The following GPA33 variants were observed in gnomAD, a reference collection of about 807,000 sequenced individuals.
GPA33 encodes cell surface A33 antigen.
Under a neutral mutation model 35.6 loss-of-function variants are expected in GPA33, and 27 were observed. The observed-to-expected ratio is 0.76, with a 90% confidence interval of 0.56 to 1.04. GPA33 has a LOEUF of 1.04. Ranked by LOEUF, GPA33 falls within the 50% of genes least tolerant of loss-of-function variation. GPA33 has a pLI of 0.00. For missense variants in GPA33, 428 were observed against 411.9 expected (o/e 1.04, Z -0.34); for synonymous variants, 176 against 164.0 (o/e 1.07, Z -0.56).
chr1:167,079,356 G>A (rs1666880618), intron 1 of GPA33, among the ~76,000 whole-genome samples: 2 of 151,960 alleles, frequency 1.3e-5, no homozygotes, highest in Non-Finnish European at 2.9e-5. Flanking sequence ...GCCAGGTGTG[G>A]CAGCATGCAC....
intron 3 of GPA33, among the ~76,000 whole-genome samples, chr1:167,068,349 C>T (rs1476817439): frequency 1.3e-5 from 2 of 152,186 alleles, no homozygotes; most frequent in African/African-American, 4.8e-5. Context: ...AGTAGATGAT[C>T]TTTCAGATCC....
chr1:167,066,881 C>T (rs1342983997), intron 3 of GPA33, among the ~76,000 whole-genome samples: 2 of 152,166 alleles, frequency 1.3e-5, no homozygotes, highest in African/African-American at 4.8e-5. Flanking sequence ...ACTGAGACCA[C>T]GCGTGCTGCC....
At chr1:167,069,215 T>C in intron 2 of GPA33, 77 bp from the exon 3 acceptor site, 1 of 944,392 alleles carries the variant, frequency 1.1e-6, no homozygotes, top group Non-Finnish European at 1.6e-6. Context: ...CTGACTACCC[T>C]CATCCCCCAG....
chr1:167,068,460 T>C (rs1666646391), intron 3 of GPA33, among the ~76,000 whole-genome samples: 1 of 152,128 alleles, frequency 6.6e-6, no homozygotes, highest in African/African-American at 2.4e-5. Flanking sequence ...GGAGTATCTG[T>C]TGAGGGATGG....
intron 1 of GPA33, among the ~76,000 whole-genome samples, chr1:167,084,363 AC>A (rs2102204055): frequency 6.6e-6 from 1 of 152,320 alleles, no homozygotes; most frequent in African/African-American, 2.4e-5. Context: ...AAATCATCAC[AC>A]AAAGTGATGA....
chr1:167,084,405 C>A (rs1245281933), intron 1 of GPA33, among the ~76,000 whole-genome samples: 1 of 152,156 alleles, frequency 6.6e-6, no homozygotes, highest in African/African-American at 2.4e-5. Flanking sequence ...ATAAAGAGAT[C>A]AAGGGTGATG....
intron 4 of GPA33, among the ~76,000 whole-genome samples, chr1:167,056,735 TG>T (rs1272299399): frequency 5.4e-5 from 7 of 130,832 alleles, no homozygotes; most frequent in Non-Finnish European, 6.6e-5. Context: ...GTGATGTATG[TG>T]GTGTGTGTGG....
chr1:167,068,261 G>A (rs991104423), intron 3 of GPA33, among the ~76,000 whole-genome samples: 7 of 152,170 alleles, frequency 4.6e-5, no homozygotes, highest in Non-Finnish European at 8.8e-5. Flanking sequence ...TTAAATAACA[G>A]TTATTTTCCA....
At chr1:167,089,061 G>A (rs1667108169) in intron 1 of GPA33, among the ~76,000 whole-genome samples, 1 of 152,218 alleles carries the variant, frequency 6.6e-6, no homozygotes, top group African/African-American at 2.4e-5. Flanking sequence ...TGGATGATGA[G>A]GGGCTTTCTG....
Position 167,086,906 on chromosome 1 carries a change from T to A in GPA33, c.43+3339A>T, listed in dbSNP as rs200324050. 7.7e-3 allele frequency among the ~76,000 whole-genome samples: 1,063 copies of A among 138,858 alleles called. 18 individuals carry two copies. Among genetic ancestry groups the A allele is most frequent in the African/African-American group, 0.027 (992 of 36,372 alleles). The allele number at this position is 138,858 out of a possible 152,430, so 91.1% of individuals were successfully genotyped here. A position where few individuals can be genotyped will look rare whatever the true frequency, so the allele number is the denominator to read the frequency against. ...GTGTAAGTAAGTGTGTGTGTGTGTG[T>A]GAGAGATTGGGTCTTCAAAGGTTTC... On this transcript the variant is annotated intron_variant, in intron 1 of 6. Coordinates refer to ENST00000367868, the MANE Select transcript of GPA33 (RefSeq NM_005814.3).
Sources: gnomAD v4.1 joint callset for allele counts (sites outside exome capture counted in the v4.1 genomes callset) on GRCh38, gnomAD v4.1.1 for gene constraint, MANE v1.5 for transcripts, NCBI Gene and HGNC (gene_info 2026-07-23, HGNC 2026-07-21) for gene names.